Variants in NXN observed in about 807,000 individuals in gnomAD.
NXN encodes nucleoredoxin.
NXN carries 16 observed loss-of-function variants against 48.6 expected under a neutral mutation model. The ratio of observed to expected loss-of-function variants is 0.33; its 90% confidence interval spans 0.22 to 0.50. The LOEUF is 0.50. Among genes scored for constraint, NXN ranks in the 20% least tolerant of loss-of-function variants. The pLI, the probability that NXN is intolerant of heterozygous loss-of-function variation, is 0.98. For missense variants in NXN, 492 were observed against 605.5 expected (o/e 0.81, Z 1.97); for synonymous variants, 281 against 269.6 (o/e 1.04, Z -0.41).
At chr17:862,861 A>G (rs970961007) in intron 1 of NXN, among the ~76,000 whole-genome samples, 2 of 152,220 alleles carry the variant, frequency 1.3e-5, no homozygotes, top group African/African-American at 4.8e-5. Flanking sequence ...AGACTCTGGA[A>G]AATTCTGCAA....
At chr17:884,375 A>G (rs2068320484) in intron 1 of NXN, among the ~76,000 whole-genome samples, 1 of 152,134 alleles carries the variant, frequency 6.6e-6, no homozygotes, top group Non-Finnish European at 1.5e-5. Flanking sequence ...ACTGCACTCC[A>G]GCCTGGGTGA....
chr17:975,824 C>T (rs566983708), intron 1 of NXN, among the ~76,000 whole-genome samples: 1 of 152,322 alleles, frequency 6.6e-6, no homozygotes, highest in East Asian at 1.9e-4. Flanking sequence ...GAGTGAGTAA[C>T]ATACTAATCC....
intron 1 of NXN, among the ~76,000 whole-genome samples, chr17:946,361 G>A (rs919269060): frequency 1.3e-5 from 2 of 152,134 alleles, no homozygotes; most frequent in Non-Finnish European, 2.9e-5. Context: ...TAGAGATGGG[G>A]TTTCACCATG....
intron 1 of NXN, among the ~76,000 whole-genome samples, chr17:969,936 G>T (rs2069353891): frequency 6.6e-6 from 1 of 152,156 alleles, no homozygotes; most frequent in African/African-American, 2.4e-5. Flanking sequence ...AACAGCACTT[G>T]AATTTACCTG....
At chr17:902,214 C>T (rs1035764549) in intron 1 of NXN, among the ~76,000 whole-genome samples, 1 of 152,216 alleles carries the variant, frequency 6.6e-6, no homozygotes, top group African/African-American at 2.4e-5. Flanking sequence ...TGCTCCCACT[C>T]GCACGACGGA....
Position 801,087 on chromosome 17 carries a change from C to T in NXN, c.1170G>A (p.Glu390=). The T allele has an allele frequency of 6.3e-7, 1 of 1,575,056 alleles. No homozygotes were observed. Among genetic ancestry groups the T allele is most frequent in the Non-Finnish European group, 8.6e-7 (1 of 1,159,764 alleles). The change falls in exon 8 of 8, where the codon GAG becomes GAA. Residue 390 remains glutamate, a synonymous_variant. Transcript: ENST00000336868. ...CCAGGATGGTGAGCAAAGGGGCAGCCTCAGGCAGGTTGGTGTAATCTCGCA... is the reference window on the plus strand; with the variant it reads ...CCAGGATGGTGAGCAAAGGGGCAGCTTCAGGCAGGTTGGTGTAATCTCGCA... ...DSLRDYTNLP[E]AAPLLTILDM... is the part of the protein sequence containing the mutation.
At chr17:960,413 G>A (rs909004644) in intron 1 of NXN, among the ~76,000 whole-genome samples, 8 of 151,952 alleles carry the variant, frequency 5.3e-5, no homozygotes, top group African/African-American at 1.5e-4. Context: ...GCAGGATCAC[G>A]GCTCACTGCA....
chr17:821,762 A>C (rs1912831479), intron 4 of NXN, among the ~76,000 whole-genome samples: 1 of 151,580 alleles, frequency 6.6e-6, no homozygotes, highest in Non-Finnish European at 1.5e-5. Flanking sequence ...AAAAAAACCC[A>C]AAAAACAAAA....
chr17:881,383 G>A lies in NXN; in HGVS notation c.361-55305C>T, dbSNP rs545981914. ...CCCGGGTAGCTGGGATTAGAAACGC[G>A]TACCACCACACTCGAAAATTTTCCA... On this transcript the variant is annotated intron_variant, in intron 1 of 7. Transcript: ENST00000336868. Among the ~76,000 whole-genome samples, 50 of 152,208 alleles carry A rather than the reference G, an allele frequency of 3.3e-4. 1 individual carries two copies. The highest frequency in any genetic ancestry group is 1.8e-3 in the Admixed American group (27 of 15,270).
chr17:943,332 A>G (rs904533698), intron 1 of NXN, among the ~76,000 whole-genome samples: 1 of 152,114 alleles, frequency 6.6e-6, no homozygotes, highest in Non-Finnish European at 1.5e-5. Flanking sequence ...AAGGTCACCA[A>G]CAGGGAAAGG....
chr17:963,724 T>A (rs761674644), intron 1 of NXN, among the ~76,000 whole-genome samples: 1 of 152,164 alleles, frequency 6.6e-6, no homozygotes, highest in Non-Finnish European at 1.5e-5. Context: ...TGGAAAAACA[T>A]ACCAGACACT....
At chr17:855,859 A>G (rs2144763301) in intron 1 of NXN, among the ~76,000 whole-genome samples, 1 of 152,308 alleles carries the variant, frequency 6.6e-6, no homozygotes, top group Admixed American at 6.5e-5. Flanking sequence ...GTCATGGGAC[A>G]GGCAACTCCA....
At chr17:910,680 G>C (rs190884064) in intron 1 of NXN, 30 of 152,200 alleles carry the variant, frequency 2.0e-4, no homozygotes, top group African/African-American at 7.0e-4. Context: ...AAATGTGCTC[G>C]GTATTGCTTC....
chr17:905,764 C>A (rs2068576294), intron 1 of NXN, among the ~76,000 whole-genome samples: 1 of 152,016 alleles, frequency 6.6e-6, no homozygotes, highest in Non-Finnish European at 1.5e-5. Flanking sequence ...ACTGCTTGAG[C>A]CCAGGAGTTT....
chr17:972,442 T>C (rs1348204322), intron 1 of NXN, among the ~76,000 whole-genome samples: 1 of 148,604 alleles, frequency 6.7e-6, no homozygotes, highest in African/African-American at 2.5e-5. Flanking sequence ...GCGCCACTGC[T>C]CTCCAGCCTG....
In NXN at chr17:826,406, A is replaced by T. The variant is rs1269239040; in HGVS notation, c.361-328T>A. On this transcript the variant is annotated intron_variant, in intron 1 of 7. Transcript: ENST00000336868. ...TAGTCTGCAACAGCATAGGGGACTC[A>T]GAGGCGGAGGCTGATGGAGGACCAC... Among the ~76,000 whole-genome samples the T allele has an allele frequency of 1.3e-5, 2 of 152,148 alleles. 1 individual carries two copies. The highest frequency in any genetic ancestry group is 1.3e-4 in the Admixed American group (2 of 15,266).
chr17:813,684 G>T (rs763652563), intron 5 of NXN, among the ~76,000 whole-genome samples: 1 of 152,132 alleles, frequency 6.6e-6, no homozygotes, highest in Non-Finnish European at 1.5e-5. Flanking sequence ...AGAGACTACG[G>T]CCGGCCGGGC....
chr17:948,165 G>C (rs2069067024), intron 1 of NXN, among the ~76,000 whole-genome samples: 1 of 152,112 alleles, frequency 6.6e-6, no homozygotes, highest in African/African-American at 2.4e-5. Context: ...TGTATTAGAT[G>C]TATTAGGTAT....
intron 5 of NXN, among the ~76,000 whole-genome samples, chr17:811,985 T>C (rs1453745982): frequency 7.6e-6 from 1 of 131,608 alleles, no homozygotes; most frequent in African/African-American, 2.9e-5. Context: ...TGGAGTGCAG[T>C]GGCAAGATCT....
Sources: allele counts gnomAD v4.1 joint callset (sites outside exome capture counted in the v4.1 genomes callset), GRCh38; gene constraint gnomAD v4.1.1; transcripts MANE v1.5; gene names NCBI Gene and HGNC (gene_info 2026-07-23, HGNC 2026-07-21).